Variants in ZAP70 observed in about 807,000 individuals in gnomAD.
ZAP70 encodes tyrosine-protein kinase ZAP-70.
ZAP70 carries 27 observed loss-of-function variants against 65.8 expected under a neutral mutation model. The ratio of observed to expected loss-of-function variants is 0.41; its 90% CI spans 0.30 to 0.57. The LOEUF (loss-of-function observed/expected upper bound fraction) is 0.57, where lower values mean the gene tolerates loss of function less well. Among genes scored for constraint, ZAP70 ranks in the 20% least tolerant of loss-of-function variants. ZAP70 has a pLI of 0.28. For synonymous variants in ZAP70, 363 were observed against 360.8 expected, an observed-to-expected ratio of 1.01 and a Z score of -0.07; for missense variants, 696 against 870.5, an observed-to-expected ratio of 0.80 and a Z score of 2.52.
chr2:97,728,823 G>A (rs552066964), intron 4 of ZAP70, among the ~76,000 whole-genome samples: 19 of 152,316 alleles, frequency 1.2e-4, no homozygotes, highest in African/African-American at 4.6e-4. Context: ...TGCAATCTTC[G>A]CTCACTGCAA....
chr2:97,747,721 A>G, the ZAP70 span, among the ~76,000 whole-genome samples: 1 of 151,042 alleles, frequency 6.6e-6, no homozygotes, highest in East Asian at 1.9e-4. Context: ...TAAAATGGTT[A>G]AAGTGCATTT....
In ZAP70 at chr2:97,724,139, C is replaced by T. The variant is rs1169021644; in HGVS notation, c.103C>T (p.Leu35=). 8.9e-6 allele frequency: 14 copies of T among 1,568,674 alleles called. No homozygotes were observed. The highest frequency in any genetic ancestry group is 2.3e-5 in the East Asian group (1 of 42,648). Residue 35 remains leucine (L), a synonymous_variant, in exon 3 of 14, where the codon CTG becomes TTG. Transcript: ENST00000264972. ...GGCGGGCATGGCGGACGGGCTCTTC[C>T]TGCTGCGCCAGTGCCTGCGCTCGCT... ...KLAGMADGLF[L]LRQCLRSLGG...
chr2:97,751,916 G>A, the ZAP70 span, among the ~76,000 whole-genome samples: 2 of 152,204 alleles, frequency 1.3e-5, no homozygotes, highest in Non-Finnish European at 2.9e-5. Flanking sequence ...CCATTCACGA[G>A]GGCTCCATCC....
At chr2:97,740,454 G>A (rs571007650), downstream of ZAP70, among the ~76,000 whole-genome samples, 92 of 152,278 alleles carry the variant, frequency 6.0e-4, no homozygotes, top group African/African-American at 2.0e-3. Flanking sequence ...TTTGTGAGTC[G>A]CTGAACGACT....
At chr2:97,724,462 G>C in intron 3 of ZAP70, 24 bp downstream of exon 3, 2 of 1,518,130 alleles carry the variant, frequency 1.3e-6, no homozygotes, top group Non-Finnish European at 1.8e-6. Flanking sequence ...CTGGGGCGCG[G>C]GGTCTGGAGG....
the ZAP70 span, among the ~76,000 whole-genome samples, chr2:97,748,070 A>G: frequency 1.3e-5 from 2 of 152,124 alleles, no homozygotes; most frequent in African/African-American, 4.8e-5. Flanking sequence ...GCCTGTACCT[A>G]ATCCACAAGG....
chr2:97,729,722 A>AT (rs200422301), intron 4 of ZAP70, among the ~76,000 whole-genome samples: 5,637 of 141,942 alleles, frequency 0.04, 305 homozygotes, highest in African/African-American at 0.13. Context: ...ACTACCTAGC[A>AT]TTTTTTTTTT....
At position 97,724,126 on chromosome 2, in the gene ZAP70, G is replaced by A. The variant is rs769393096; in HGVS notation, c.90G>A (p.Ala30=). The A allele has an allele frequency of 2.6e-6, 4 of 1,567,996 alleles. No individual in the cohort carries two copies. Among genetic ancestry groups the A allele is most frequent in the East Asian group, 4.7e-5 (2 of 42,596 alleles). Reference sequence around the variant, plus strand: ...AGCACCTGAAGCTGGCGGGCATGGCGGACGGGCTCTTCCTGCTGCGCCAGT... The same window carrying A: ...AGCACCTGAAGCTGGCGGGCATGGCAGACGGGCTCTTCCTGCTGCGCCAGT... The part of the protein sequence containing the change: ...AEEHLKLAGM[A]DGLFLLRQCL... The change falls in exon 3 of 14, where the codon GCG becomes GCA. Residue 30 remains alanine (A), a synonymous_variant. Transcript: ENST00000264972.
chr2:97,721,152 T>G (rs1460949111), intron 2 of ZAP70, among the ~76,000 whole-genome samples: 2 of 152,242 alleles, frequency 1.3e-5, no homozygotes, highest in East Asian at 3.8e-4. Context: ...AAGAATTAAC[T>G]GTACACCAAT....
Position 97,715,847 on chromosome 2 carries a change from G to A in ZAP70, c.-22+1853G>A, listed in dbSNP as rs1473719532. ...CTCGCAAAGGGTAGTGCAGTCCCCAGCACAGAGGCTGTTGTGATTGTCCTT... is the reference window on the plus strand; with the variant it reads ...CTCGCAAAGGGTAGTGCAGTCCCCAACACAGAGGCTGTTGTGATTGTCCTT... On this transcript the variant is annotated intron_variant, in intron 2 of 13. Transcript: ENST00000264972. The surrounding 1 kb of genome is among the most constrained non-coding windows in gnomAD (Gnocchi z 4.1). Among the ~76,000 whole-genome samples, 1 of 152,234 alleles carries A rather than the reference G, an allele frequency of 6.6e-6. No homozygotes were observed. Among genetic ancestry groups the A allele is most frequent in the East Asian group, 1.9e-4 (1 of 5,204 alleles).
chr2:97,754,461 G>GGT, the ZAP70 span, among the ~76,000 whole-genome samples: 14 of 152,108 alleles, frequency 9.2e-5, 1 homozygote, highest in Non-Finnish European at 1.5e-4. Context: ...GGAGTGCAGT[G>GGT]GTATGATCTT....
At chr2:97,714,642 C>T (rs1466132311) in intron 2 of ZAP70, among the ~76,000 whole-genome samples, 4 of 152,138 alleles carry the variant, frequency 2.6e-5, no homozygotes, top group African/African-American at 4.8e-5. Context: ...GAAGCATCCC[C>T]GACAGGAAGG....
rs1017297834 is a variant in ZAP70 at position 97,717,278 on chromosome 2, C to A, written c.-22+3284C>A. ...GGGGGGGCAGTAGGAGGAGGTGGGG[C>A]GGTGAGGGGCTGGGGCCCTGCTCCT... On this transcript the variant is annotated intron_variant, in intron 2 of 13. Transcript: ENST00000264972. Among the ~76,000 whole-genome samples the A allele has an allele frequency of 1.7e-4, 10 of 58,152 alleles. No individual in the cohort carries two copies. In the East Asian group the frequency reaches 3.6e-3, roughly 21 times the overall value. 38.1% of individuals were successfully genotyped at this position (58,152 alleles called of 152,430 possible). A position where few individuals can be genotyped will look rare whatever the true frequency, so the allele number is the denominator to read the frequency against.
At position 97,735,424 on chromosome 2, in the gene ZAP70, C is replaced by T. The variant is rs773397000; in HGVS notation, c.1257C>T (p.Gly419=). 11 of 1,611,356 alleles carry T rather than the reference C, an allele frequency of 6.8e-6. No individual in the cohort carries two copies. Among genetic ancestry groups the T allele is most frequent in the Non-Finnish European group, 9.3e-6 (11 of 1,178,490 alleles). The part of the protein sequence containing the change: ...ALMLVMEMAG[G]GPLHKFLVGK... ...TGCTGGTCATGGAGATGGCTGGGGG[C>T]GGGCCGCTGCACAAGTTCCTGGTCG... The change falls in exon 10 of 14, where the codon GGC becomes GGT. Residue 419 remains glycine, a synonymous_variant. Coordinates refer to ENST00000264972, the MANE Select transcript of ZAP70 (RefSeq NM_001079.4).
Position 97,739,418 on chromosome 2 carries a change from C to A in ZAP70, c.1780C>A (p.Arg594=), listed in dbSNP as rs55724897. The A allele has an allele frequency of 6.2e-7, 1 of 1,613,696 alleles. No individual in the cohort carries two copies. The highest frequency in any genetic ancestry group is 8.5e-7 in the Non-Finnish European group (1 of 1,179,952). ...PDFLTVEQRM[R]ACYYSLASKV... Reference sequence around the variant, plus strand: ...CTTCCTGACCGTGGAGCAGCGCATGCGAGCCTGTTACTACAGCCTGGCCAG... The same window carrying A: ...CTTCCTGACCGTGGAGCAGCGCATGAGAGCCTGTTACTACAGCCTGGCCAG... The change falls in exon 14 of 14, where the codon CGA becomes AGA. Residue 594 remains arginine (R), a synonymous_variant. Coordinates refer to ENST00000264972, the MANE Select transcript of ZAP70 (RefSeq NM_001079.4).
intron 2 of ZAP70, among the ~76,000 whole-genome samples, chr2:97,717,520 G>A (rs1676985609): frequency 6.6e-6 from 1 of 152,146 alleles, no homozygotes; most frequent in Non-Finnish European, 1.5e-5. Flanking sequence ...GGGACATGTG[G>A]AGCTTGTGCT....
rs761209179 is a variant in ZAP70 at position 97,724,163 on chromosome 2, C to T, written c.127C>T (p.Leu43=). 2 of 1,583,858 alleles carry T rather than the reference C, an allele frequency of 1.3e-6. No homozygotes were observed. The highest frequency in any genetic ancestry group is 1.7e-6 in the Non-Finnish European group (2 of 1,165,832). Residue 43 remains leucine, a synonymous_variant, in exon 3 of 14, where the codon CTG becomes TTG. Coordinates refer to ENST00000264972, the MANE Select transcript of ZAP70 (RefSeq NM_001079.4). ...LFLLRQCLRS[L]GGYVLSLVHD... ...CCTGCTGCGCCAGTGCCTGCGCTCG[C>T]TGGGCGGCTATGTGCTGTCGCTCGT...
chr2:97,738,834 C>T (rs1678019679), intron 13 of ZAP70, among the ~76,000 whole-genome samples: 1 of 152,072 alleles, frequency 6.6e-6, no homozygotes, highest in Admixed American at 6.5e-5. Context: ...CCCAGGGCAC[C>T]ACACCCCAGT....
In ZAP70 at chr2:97,734,703, G is replaced by C; in HGVS notation, c.1073G>C (p.Arg358Pro). ...NFGSVRQGVY[R>P]MRKKQIDVAI... ...GGCTCAGTGCGCCAGGGCGTGTACC[G>C]CATGCGCAAGTATGGCCGCCCCTGC... is the stretch of plus-strand genomic sequence containing the variant. Residue 358 changes from arginine to proline, a missense_variant, in exon 9 of 14, where the codon CGC becomes CCC. Arg to Pro is a moderately radical substitution (Grantham distance 103). This residue lies in a region of ZAP70 where 551 missense variants were observed against 630.0 expected (regional missense o/e 0.87). Transcript: ENST00000264972. 2 of 1,613,838 alleles carry C rather than the reference G, an allele frequency of 1.2e-6. No individual in the cohort carries two copies. Among genetic ancestry groups the C allele is most frequent in the Non-Finnish European group, 1.7e-6 (2 of 1,179,988 alleles).
Sources: allele counts gnomAD v4.1 joint callset (sites outside exome capture counted in the v4.1 genomes callset), GRCh38; gene constraint gnomAD v4.1.1; regional missense constraint gnomAD v4.1.1; non-coding constraint Gnocchi (gnomAD v3.1); transcripts MANE v1.5; gene names NCBI Gene and HGNC (gene_info 2026-07-23, HGNC 2026-07-21).